The following DTX1 variants were observed in gnomAD, a reference collection of about 807,000 sequenced individuals.
DTX1 encodes the protein E3 ubiquitin-protein ligase DTX1.
DTX1 carries 26 observed loss-of-function variants against 57.8 expected under a neutral mutation model. The observed-to-expected ratio is 0.45, with a 90% CI of 0.33 to 0.62. The LOEUF is 0.62. Ranked by LOEUF, DTX1 falls within the 20% of genes least tolerant of loss-of-function variation. The pLI, the probability that DTX1 is intolerant of heterozygous loss-of-function variation, is 0.02. For missense variants in DTX1, 704 were observed against 895.3 expected (o/e 0.79, Z 2.73); for synonymous variants, 398 against 394.1 (o/e 1.01, Z -0.12).
At chr12:113,084,360 C>G (rs149131822) in intron 3 of DTX1, among the ~76,000 whole-genome samples, 1 of 152,162 alleles carries the variant, frequency 6.6e-6, no homozygotes, top group African/African-American at 2.4e-5. Context: ...ATCGAGCGCT[C>G]CCTATGTCCC....
At chr12:113,094,160 C>T in intron 6 of DTX1, 61 bp downstream of exon 6, 1 of 1,474,892 alleles carries the variant, frequency 6.8e-7, no homozygotes, top group Non-Finnish European at 9.2e-7. Flanking sequence ...GGAACCCTCA[C>T]CCCTCCTCCT....
At chr12:113,068,536 G>A (rs2044719669) in intron 2 of DTX1, among the ~76,000 whole-genome samples, 1 of 152,242 alleles carries the variant, frequency 6.6e-6, no homozygotes, top group Admixed American at 6.5e-5. Context: ...AACAGCATAT[G>A]CAAATACAGA....
At chr12:113,085,761 C>T (rs1566019121) in intron 3 of DTX1, among the ~76,000 whole-genome samples, 1 of 152,170 alleles carries the variant, frequency 6.6e-6, no homozygotes, top group Non-Finnish European at 1.5e-5. Flanking sequence ...GGGGACACAG[C>T]AGTGAACTAA....
At chr12:113,096,048 A>G (rs930060702) in intron 9 of DTX1, among the ~76,000 whole-genome samples, 7 of 152,118 alleles carry the variant, frequency 4.6e-5, no homozygotes, top group African/African-American at 1.7e-4. Context: ...TCTACTAAAA[A>G]TACAAAAATT....
At chr12:113,078,243 A>C in intron 3 of DTX1, 138 bp downstream of exon 3, 1 of 747,366 alleles carries the variant, frequency 1.3e-6, no homozygotes, top group Non-Finnish European at 1.7e-6. Context: ...CATGCACTAA[A>C]TGTTCATTTT....
chr12:113,058,557 C>A, intron 2 of DTX1, 106 bp downstream of exon 2: 1 of 1,503,914 alleles, frequency 6.6e-7, no homozygotes. Context: ...AATCCCTTCC[C>A]CATCTCCCTG....
Position 113,077,424 on chromosome 12 carries a change from G to A in DTX1, c.260G>A (p.Gly87Asp). The change falls in exon 3 of 10, where the codon GGC (glycine) becomes GAC (aspartate). Residue 87 changes from glycine (G) to aspartate (D), a missense_variant and splice_region_variant. Physicochemically the swap from Gly to Asp is moderately conservative, Grantham distance 94 (BLOSUM62 -1). Around this residue, in one of 3 missense-constraint regions of DTX1, gnomAD observed 237 missense variants for 328.6 expected, o/e 0.72. Transcript: ENST00000548759. This position sits in a 1 kb window ranked among gnomAD's most constrained non-coding sequence, Gnocchi z 7.8. ...QSMHQFRQDTGTMRPVRRNFY... is the reference protein window; with the variant it reads ...QSMHQFRQDTDTMRPVRRNFY... ...CGCCTCCTCCCCATTTCGAGTACAG[G>A]CACCATGCGGCCCGTGCGGCGCAAC... 2 of 1,602,508 alleles carry A rather than the reference G, an allele frequency of 1.2e-6. No individual in the cohort carries two copies. Among genetic ancestry groups the A allele is most frequent in the Non-Finnish European group, 1.7e-6 (2 of 1,177,282 alleles).
chr12:113,092,933 G>T (rs1485607124), intron 3 of DTX1, among the ~76,000 whole-genome samples: 1 of 152,202 alleles, frequency 6.6e-6, no homozygotes, highest in African/African-American at 2.4e-5. Context: ...CTGCACTAAA[G>T]TCTAAGGGTG....
intron 3 of DTX1, among the ~76,000 whole-genome samples, chr12:113,084,166 C>T (rs926241992): frequency 1.3e-5 from 2 of 152,118 alleles, no homozygotes; most frequent in African/African-American, 4.8e-5. Flanking sequence ...ACAGACAGGG[C>T]GGGGAGCCAG....
At chr12:113,072,696 CTTTTTT>C (rs60642403) in intron 2 of DTX1, among the ~76,000 whole-genome samples, 447 of 71,108 alleles carry the variant, frequency 6.3e-3, no homozygotes, top group African/African-American at 0.022. Context: ...GAGAGATTTT[CTTTTTT>C]TTTTTTTTTT....
At chr12:113,076,174 G>A (rs1194643810) in intron 2 of DTX1, among the ~76,000 whole-genome samples, 1 of 152,042 alleles carries the variant, frequency 6.6e-6, no homozygotes, top group African/African-American at 2.4e-5. Flanking sequence ...AAAAGCATAA[G>A]GGGCCCAGGG....
Position 113,093,991 on chromosome 12 carries a change from G to A in DTX1, c.1166-47G>A. The A allele has an allele frequency of 6.4e-7, 1 of 1,558,506 alleles. No individual in the cohort carries two copies. Among genetic ancestry groups the A allele is most frequent in the African/African-American group, 1.4e-5 (1 of 73,920 alleles). On this transcript the variant is annotated intron_variant, in intron 5 of 9. Transcript: ENST00000548759. The surrounding 1 kb of genome is among the most constrained non-coding windows in gnomAD (Gnocchi z 4.2). ...ACCCAGTTCTGAGCCAAGCCTTCGGGGACAGACTCTGGGTACCCTCAAACC... is the reference window on the plus strand; with the variant it reads ...ACCCAGTTCTGAGCCAAGCCTTCGGAGACAGACTCTGGGTACCCTCAAACC...
rs764629407 is a variant in DTX1, at chr12:113,056,824, G to A, written c.-865G>A. 1 of 152,186 alleles carries A rather than the reference G, an allele frequency of 6.6e-6. No homozygotes were observed. Among genetic ancestry groups the A allele is most frequent in the African/African-American group, 2.4e-5 (1 of 41,450 alleles). The allele number at this position is 152,186 out of a possible 1,614,324, so 9.4% of individuals were successfully genotyped here. ...GCGGAAAGCTCGGCGCGGCGGCCGA[G>A]GGGCCTGGGAGGGAACGGGCGCGGA... On this transcript the variant is annotated 5_prime_UTR_variant, in exon 1 of 10. Transcript: ENST00000548759.
At chr12:113,090,624 G>A (rs1051221871) in intron 3 of DTX1, among the ~76,000 whole-genome samples, 69 of 152,324 alleles carry the variant, frequency 4.5e-4, no homozygotes, top group Non-Finnish European at 5.7e-4. Context: ...CTCGGGAGCT[G>A]TGTTCATTGA....
intron 2 of DTX1, among the ~76,000 whole-genome samples, chr12:113,076,935 C>A (rs1485715202): frequency 6.6e-6 from 1 of 152,060 alleles, no homozygotes; most frequent in African/African-American, 2.4e-5. Flanking sequence ...GTCTGAAGAA[C>A]CCCCAGGCCC....
At chr12:113,060,791 A>G (rs908840500) in intron 2 of DTX1, among the ~76,000 whole-genome samples, 6 of 152,176 alleles carry the variant, frequency 3.9e-5, no homozygotes, top group Non-Finnish European at 8.8e-5. Context: ...TCCTAGGGGT[A>G]GAGGGCAGGG....
chr12:113,082,151 A>C (rs2044822704), intron 3 of DTX1, among the ~76,000 whole-genome samples: 1 of 152,040 alleles, frequency 6.6e-6, no homozygotes, highest in Non-Finnish European at 1.5e-5. Flanking sequence ...CCCTGAGCCC[A>C]GACATTGGCC....
chr12:113,096,060 T>C (rs1950287532), intron 9 of DTX1, among the ~76,000 whole-genome samples: 1 of 151,740 alleles, frequency 6.6e-6, no homozygotes, highest in Non-Finnish European at 1.5e-5. Context: ...ACAAAAATTA[T>C]CCGGAGTGGT....
intron 3 of DTX1, among the ~76,000 whole-genome samples, chr12:113,086,081 A>G (rs1002930144): frequency 5.3e-5 from 8 of 152,020 alleles, no homozygotes; most frequent in African/African-American, 1.9e-4. Context: ...CAGCCTGGAC[A>G]ACATAGTGAG....
Sources: gnomAD v4.1 joint callset for allele counts (sites outside exome capture counted in the v4.1 genomes callset) on GRCh38, gnomAD v4.1.1 for gene constraint, gnomAD v4.1.1 regional missense constraint, Gnocchi (gnomAD v3.1) non-coding constraint, MANE v1.5 for transcripts, NCBI Gene and HGNC (gene_info 2026-07-23, HGNC 2026-07-21) for gene names.